Variants in CA10 observed in about 807,000 individuals in gnomAD.
CA10 encodes the protein carbonic anhydrase-related protein 10.
Under a neutral mutation model 44.2 loss-of-function variants are expected in CA10, and 14 were observed. That is an observed-to-expected ratio of 0.32 (90% CI 0.21 to 0.50). CA10 has a LOEUF of 0.50. CA10 is among the 20% of genes least tolerant of loss of function. CA10 has a pLI of 0.99. For missense variants in CA10, 350 were observed against 409.7 expected (o/e 0.85, Z 1.26); for synonymous variants, 159 against 141.6 (o/e 1.12, Z -0.87).
intron 6 of CA10, among the ~76,000 whole-genome samples, chr17:51,646,092 A>T (rs1381139704): frequency 6.6e-6 from 1 of 152,222 alleles, no homozygotes; most frequent in Non-Finnish European, 1.5e-5. Flanking sequence ...CAACCCAAGG[A>T]GGGAGCAATA....
At chr17:51,931,341 A>T (rs914742097) in intron 2 of CA10, among the ~76,000 whole-genome samples, 1 of 152,066 alleles carries the variant, frequency 6.6e-6, no homozygotes, top group Non-Finnish European at 1.5e-5. Flanking sequence ...TCTTGTCATC[A>T]GATTTTCTTG....
intron 2 of CA10, among the ~76,000 whole-genome samples, chr17:52,061,552 A>G (rs1489187959): frequency 6.6e-6 from 1 of 152,196 alleles, no homozygotes; most frequent in South Asian, 2.1e-4. Flanking sequence ...TGTAATTACC[A>G]GGTGTTGAGA....
intron 2 of CA10, among the ~76,000 whole-genome samples, chr17:51,956,605 T>C (rs1430795615): frequency 2.0e-5 from 3 of 152,188 alleles, no homozygotes; most frequent in African/African-American, 7.2e-5. Flanking sequence ...GCACTGCTTG[T>C]ATTAGCAAAA....
intron 2 of CA10, among the ~76,000 whole-genome samples, chr17:52,026,641 T>A (rs539609907): frequency 6.6e-6 from 1 of 152,098 alleles, no homozygotes; most frequent in Non-Finnish European, 1.5e-5. Flanking sequence ...AAACAGATCC[T>A]TCTTCATGTG....
chr17:51,947,224 C>CAAAAAAAAAA (rs1198796736), intron 2 of CA10, among the ~76,000 whole-genome samples: 1 of 52,136 alleles, frequency 1.9e-5, no homozygotes. Context: ...TCTTCATGTG[C>CAAAAAAAAAA]AAAAAAAAAA....
intron 3 of CA10, among the ~76,000 whole-genome samples, chr17:51,847,472 C>A (rs990642823): frequency 1.3e-5 from 2 of 152,108 alleles, no homozygotes; most frequent in Non-Finnish European, 2.9e-5. Flanking sequence ...AGTACAGTCT[C>A]CCCAACTTTT....
At chr17:52,082,431 C>G (rs1988008437) in intron 1 of CA10, among the ~76,000 whole-genome samples, 1 of 152,068 alleles carries the variant, frequency 6.6e-6, no homozygotes, top group African/African-American at 2.4e-5. Flanking sequence ...TTTTTTCATT[C>G]TTATTTTTAA....
chr17:52,056,765 CACTACTT>C (rs1987241110), intron 2 of CA10, among the ~76,000 whole-genome samples: 1 of 151,922 alleles, frequency 6.6e-6, no homozygotes, highest in South Asian at 2.1e-4. Flanking sequence ...ACCCAGTGAG[CACTACTT>C]ACCCTTACAA....
chr17:51,832,753 G>A (rs1454739984), intron 3 of CA10, among the ~76,000 whole-genome samples: 1 of 152,172 alleles, frequency 6.6e-6, no homozygotes, highest in Non-Finnish European at 1.5e-5. Context: ...TATATGTTTA[G>A]TCTCCAGAGA....
intron 5 of CA10, 25 bp from the exon 6 acceptor site, chr17:51,649,279 T>C (rs1268231202): frequency 6.6e-7 from 1 of 1,506,970 alleles, no homozygotes; most frequent in South Asian, 1.1e-5. Context: ...AAAATATTAA[T>C]GACTGGGCAT....
At chr17:52,047,002 G>A (rs1259702025) in intron 2 of CA10, among the ~76,000 whole-genome samples, 2 of 151,824 alleles carry the variant, frequency 1.3e-5, no homozygotes, top group Non-Finnish European at 2.9e-5. Flanking sequence ...GAAAACATAT[G>A]TTCATACACG....
intron 4 of CA10, among the ~76,000 whole-genome samples, chr17:51,702,136 A>G (rs796914573): frequency 2.6e-5 from 4 of 152,170 alleles, no homozygotes; most frequent in African/African-American, 9.7e-5. Flanking sequence ...ACTTTACAAT[A>G]TATTTCTTGA....
intron 3 of CA10, among the ~76,000 whole-genome samples, chr17:51,795,954 A>T (rs1038798539): frequency 6.6e-6 from 1 of 152,224 alleles, no homozygotes; most frequent in African/African-American, 2.4e-5. Flanking sequence ...CATGGCATAA[A>T]AAAGGCACAG....
At position 52,028,437 on chromosome 17, in the gene CA10, T is replaced by C. The variant is rs1293892771; in HGVS notation, c.136+43882A>G. On this transcript the variant is annotated intron_variant, in intron 2 of 8. Coordinates refer to ENST00000451037, the MANE Select transcript of CA10 (RefSeq NM_020178.5). ...TATTAAAAAACTTCAAAACACTTCA[T>C]GCTTTGTGGCATTTCAGTGAAATTG... Among the ~76,000 whole-genome samples the C allele has an allele frequency of 3.9e-5, 6 of 152,212 alleles. No homozygotes were observed. In the South Asian group the frequency reaches 1.0e-3, roughly 26 times the overall value.
chr17:51,877,541 G>A (rs1460445174), intron 3 of CA10, among the ~76,000 whole-genome samples: 3 of 152,078 alleles, frequency 2.0e-5, no homozygotes, highest in Non-Finnish European at 4.4e-5. Flanking sequence ...TAATGCATTA[G>A]CAGAACTACT....
At chr17:51,876,857 A>C (rs969064556) in intron 3 of CA10, among the ~76,000 whole-genome samples, 15 of 152,298 alleles carry the variant, frequency 9.8e-5, no homozygotes, top group African/African-American at 3.6e-4. Context: ...TGAGAGCTCC[A>C]ATTGTTCTGT....
At chr17:51,667,390 G>A (rs1021719025) in intron 4 of CA10, among the ~76,000 whole-genome samples, 12 of 152,138 alleles carry the variant, frequency 7.9e-5, no homozygotes, top group Non-Finnish European at 1.8e-4. Flanking sequence ...ACTGCTTGCA[G>A]TACTTCCATC....
chr17:52,093,153 C>A (rs1029385701), intron 1 of CA10, among the ~76,000 whole-genome samples: 5 of 151,982 alleles, frequency 3.3e-5, no homozygotes, highest in African/African-American at 1.2e-4. Context: ...TACATATGTA[C>A]ACATACATAT....
chr17:51,801,238 C>T (rs765239841), intron 3 of CA10, among the ~76,000 whole-genome samples: 3 of 152,104 alleles, frequency 2.0e-5, no homozygotes, highest in Non-Finnish European at 4.4e-5. Context: ...TGTTCACTTT[C>T]GTTTGGGTGA....
Sources: allele counts gnomAD v4.1 joint callset (sites outside exome capture counted in the v4.1 genomes callset), GRCh38; gene constraint gnomAD v4.1.1; transcripts MANE v1.5; gene names NCBI Gene and HGNC (gene_info 2026-07-23, HGNC 2026-07-21).